The following KIAA1958 variants were observed in gnomAD, a reference collection of about 807,000 sequenced individuals.
KIAA1958 encodes the protein uncharacterized protein KIAA1958.
KIAA1958 carries 14 observed loss-of-function variants against 47.2 expected under a neutral mutation model. The observed-to-expected ratio is 0.30, with a 90% CI of 0.20 to 0.46. The LOEUF is 0.46. Ranked by LOEUF, KIAA1958 falls within the 20% of genes least tolerant of loss-of-function variation. The probability of loss-of-function intolerance (pLI) is 1.00; values close to 1 mark genes in which losing one functional copy is unlikely to be tolerated. For missense variants in KIAA1958, 803 were observed against 909.2 expected, an observed-to-expected ratio of 0.88 and a Z score of 1.50; for synonymous variants, 354 against 353.3, an observed-to-expected ratio of 1.00 and a Z score of -0.02.
intron 1 of KIAA1958, among the ~76,000 whole-genome samples, chr9:112,519,605 C>A (rs1223054917): frequency 6.6e-6 from 1 of 152,158 alleles, no homozygotes. Flanking sequence ...GTGCTTGGTA[C>A]ATAAGTGCCC....
intron 2 of KIAA1958, among the ~76,000 whole-genome samples, chr9:112,604,602 G>A (rs2131203112): frequency 6.6e-6 from 1 of 152,280 alleles, no homozygotes; most frequent in Admixed American, 6.5e-5. Context: ...GTGACAGCAA[G>A]GACTGCTAAA....
At chr9:112,622,551 C>T (rs911946080) in intron 2 of KIAA1958, among the ~76,000 whole-genome samples, 11 of 152,170 alleles carry the variant, frequency 7.2e-5, no homozygotes, top group African/African-American at 2.6e-4. Flanking sequence ...TTCTAGATTC[C>T]ATTTGATATC....
chr9:112,650,720 T>G (rs1164093118), intron 3 of KIAA1958, among the ~76,000 whole-genome samples: 1 of 152,116 alleles, frequency 6.6e-6, no homozygotes, highest in Non-Finnish European at 1.5e-5. Flanking sequence ...GATAATTATA[T>G]CTACCCATGA....
In KIAA1958 at chr9:112,581,497, C is replaced by T. The variant is rs144687857; in HGVS notation, c.1171+6246C>T. On this transcript the variant is annotated intron_variant, in intron 2 of 3. Coordinates refer to ENST00000337530, the MANE Select transcript of KIAA1958 (RefSeq NM_133465.4). ...TTAGAAATGCAGAGTTTCAGGAGGCCGCGAGGAAAGACCAAAAATGCTGTG... is the reference window on the plus strand; with the variant it reads ...TTAGAAATGCAGAGTTTCAGGAGGCTGCGAGGAAAGACCAAAAATGCTGTG... Among the ~76,000 whole-genome samples, 66 of 152,170 alleles carry T rather than the reference C, an allele frequency of 4.3e-4. 1 individual carries two copies. In the East Asian group the frequency reaches 0.013, roughly 29 times the overall value.
chr9:112,633,438 T>C (rs1836745063), intron 2 of KIAA1958, among the ~76,000 whole-genome samples: 1 of 152,204 alleles, frequency 6.6e-6, no homozygotes, highest in African/African-American at 2.4e-5. Context: ...TAGGTTTGCA[T>C]ACACATTTTT....
intron 3 of KIAA1958, among the ~76,000 whole-genome samples, chr9:112,650,347 G>T (rs904180288): frequency 6.6e-6 from 1 of 152,058 alleles, no homozygotes; most frequent in African/African-American, 2.4e-5. Flanking sequence ...TATAAAATTT[G>T]TTTTTCTCAT....
chr9:112,551,563 CTG>C (rs1481516977), intron 1 of KIAA1958, among the ~76,000 whole-genome samples: 1 of 152,120 alleles, frequency 6.6e-6, no homozygotes, highest in Non-Finnish European at 1.5e-5. Context: ...ATAATTGAAA[CTG>C]TGCTAATCCT....
Position 112,544,238 on chromosome 9 carries a change from T to C in KIAA1958, c.-24-29819T>C, listed in dbSNP as rs1023978418. Among the ~76,000 whole-genome samples, 5 of 152,380 alleles carry C rather than the reference T, an allele frequency of 3.3e-5. No individual in the cohort carries two copies. The East Asian group carries it at 5.8e-4, about 18-fold the overall frequency. On this transcript the variant is annotated intron_variant, in intron 1 of 3. Coordinates refer to ENST00000337530, the MANE Select transcript of KIAA1958 (RefSeq NM_133465.4). Reference sequence around the variant, plus strand: ...GAAAAGTTTCAAAATTTTTCTGTACTATTAGACTTGAATGAATGTCAGATC... The same window carrying C: ...GAAAAGTTTCAAAATTTTTCTGTACCATTAGACTTGAATGAATGTCAGATC...
chr9:112,528,672 A>G (rs892919090), intron 1 of KIAA1958, among the ~76,000 whole-genome samples: 5 of 152,088 alleles, frequency 3.3e-5, no homozygotes, highest in African/African-American at 1.2e-4. Flanking sequence ...GGCACCCGTC[A>G]CCACGACTGG....
rs576911870 is a variant in KIAA1958 at position 112,645,806 on chromosome 9, A to G, written c.1328A>G (p.His443Arg). 5.6e-6 allele frequency: 9 copies of G among 1,612,198 alleles called. No individual in the cohort carries two copies. In the African/African-American group the frequency reaches 1.2e-4, roughly 22 times the overall value. Residue 443 changes from histidine to arginine, a missense_variant, in exon 3 of 4, where the codon CAC becomes CGC. Transcript: ENST00000337530. ...TGCATGACCAACGGGCTCAAAGACCACACAGACATCACCAAGGTAAGGGAC... is the reference window on the plus strand; with the variant it reads ...TGCATGACCAACGGGCTCAAAGACCGCACAGACATCACCAAGGTAAGGGAC... ...YWCMTNGLKD[H>R]TDITKIPAVK...
At chr9:112,640,740 A>G (rs747694142) in intron 2 of KIAA1958, among the ~76,000 whole-genome samples, 2 of 152,112 alleles carry the variant, frequency 1.3e-5, no homozygotes, top group Non-Finnish European at 2.9e-5. Flanking sequence ...GGTTCATTTG[A>G]TTGTGTTCCA....
chr9:112,623,361 C>T (rs144946329), intron 2 of KIAA1958, among the ~76,000 whole-genome samples: 2,528 of 152,284 alleles, frequency 0.017, 25 homozygotes, highest in Non-Finnish European at 0.027. Flanking sequence ...AGTCAAATGG[C>T]TTGCCCATGT....
At chr9:112,512,658 G>C (rs1010980685) in intron 1 of KIAA1958, among the ~76,000 whole-genome samples, 1 of 151,472 alleles carries the variant, frequency 6.6e-6, no homozygotes, top group African/African-American at 2.4e-5. Context: ...AGACTGAACG[G>C]GGGAGACATA....
In KIAA1958 at chr9:112,574,281, G is replaced by C; in HGVS notation, c.201G>C (p.Gly67=). The change falls in exon 2 of 4, where the codon GGG becomes GGC. Residue 67 remains glycine, a synonymous_variant. Coordinates refer to ENST00000337530, the MANE Select transcript of KIAA1958 (RefSeq NM_133465.4). ...HWPLTATCRA[G]SQERVCFQDN... is the part of the protein sequence containing the mutation. The stretch of plus-strand genomic sequence containing the variant: ...CACTAACAGCTACTTGCAGAGCTGG[G>C]TCCCAAGAGAGGGTCTGTTTCCAGG... 6.2e-7 allele frequency: 1 copy of C among 1,614,116 alleles called. No individual in the cohort carries two copies. Among genetic ancestry groups the C allele is most frequent in the Non-Finnish European group, 8.5e-7 (1 of 1,179,992 alleles).
rs190053855 is a variant in KIAA1958, at chr9:112,544,916, T to A, written c.-24-29141T>A. On this transcript the variant is annotated intron_variant, in intron 1 of 3. Coordinates refer to ENST00000337530, the MANE Select transcript of KIAA1958 (RefSeq NM_133465.4). ...AATCTAATTTTTAATCTTTTTTTTT[T>A]AATTTTAACTTTCCACACTATACCA... Among the ~76,000 whole-genome samples, 419 of 152,104 alleles carry A rather than the reference T, an allele frequency of 2.8e-3. 2 individuals are homozygous for A. Among genetic ancestry groups the A allele is most frequent in the African/African-American group, 9.2e-3 (383 of 41,412 alleles).
In KIAA1958 at chr9:112,659,256, ATT is replaced by A; in HGVS notation, c.1345-5_1345-4del. Reference sequence around the variant, plus strand: ...AGTGTGTAACCTCCGTGTTTGTCTCATTTGAGATCCCTGCAGTGAAGTTGAAC... The same window carrying A: ...AGTGTGTAACCTCCGTGTTTGTCTCATGAGATCCCTGCAGTGAAGTTGAAC... On this transcript the variant is annotated splice_region_variant and splice_polypyrimidine_tract_variant and intron_variant, in intron 3 of 3. Coordinates refer to ENST00000337530, the MANE Select transcript of KIAA1958 (RefSeq NM_133465.4). The A allele has an allele frequency of 6.2e-7, 1 of 1,605,570 alleles. No homozygotes were observed. The highest frequency in any genetic ancestry group is 1.1e-5 in the South Asian group (1 of 90,302).
chr9:112,563,288 AT>A (rs1415962508), intron 1 of KIAA1958, among the ~76,000 whole-genome samples: 2 of 152,036 alleles, frequency 1.3e-5, no homozygotes, highest in African/African-American at 4.8e-5. Context: ...CGTGATTGGA[AT>A]TGCATCAAAC....
chr9:112,544,416 T>C (rs1834995114), intron 1 of KIAA1958, among the ~76,000 whole-genome samples: 1 of 152,224 alleles, frequency 6.6e-6, no homozygotes, highest in Admixed American at 6.5e-5. Context: ...TCAGTGGGAA[T>C]AGGGACCACA....
chr9:112,594,101 A>G (rs1835974677), intron 2 of KIAA1958, among the ~76,000 whole-genome samples: 1 of 152,004 alleles, frequency 6.6e-6, no homozygotes, highest in Admixed American at 6.6e-5. Context: ...CTGGCTTCCA[A>G]CAGTCCTTCC....
Sources: allele counts gnomAD v4.1 joint callset (sites outside exome capture counted in the v4.1 genomes callset), GRCh38; gene constraint gnomAD v4.1.1; transcripts MANE v1.5; gene names NCBI Gene and HGNC (gene_info 2026-07-23, HGNC 2026-07-21).